Variants in FMN2 observed in about 807,000 individuals in gnomAD.
FMN2 encodes the protein formin 2, also known as formin-2.
FMN2 carries 51 observed loss-of-function variants against 142.3 expected under a neutral mutation model. That is an observed-to-expected ratio of 0.36 (90% CI 0.29 to 0.45). The LOEUF (loss-of-function observed/expected upper bound fraction) is 0.45. FMN2 is among the 20% of genes least tolerant of loss of function. The probability of loss-of-function intolerance (pLI) is 1.00; values close to 1 mark genes in which losing one functional copy is unlikely to be tolerated. For missense variants in FMN2, 1,936 were observed against 2,122.8 expected (o/e 0.91, Z 1.73); for synonymous variants, 882 against 869.8 (o/e 1.01, Z -0.25).
chr1:240,260,687 C>A (rs576188558), intron 7 of FMN2, among the ~76,000 whole-genome samples: 5 of 152,312 alleles, frequency 3.3e-5, no homozygotes, highest in African/African-American at 1.2e-4. Context: ...TGAAGACTTT[C>A]TCCCACTCTG....
chr1:240,258,117 C>G, intron 7 of FMN2, 85 bp downstream of exon 7: 1 of 1,047,266 alleles, frequency 9.5e-7, no homozygotes, highest in Non-Finnish European at 1.4e-6. Context: ...TTATTTCAAA[C>G]TTAGAGTTTC....
At chr1:240,294,684 A>T in intron 7 of FMN2, 138 bp from the exon 8 acceptor site, 1 of 698,606 alleles carries the variant, frequency 1.4e-6, no homozygotes, top group Non-Finnish European at 2.5e-6. Context: ...CAGGCTTTGC[A>T]GTGGGGGCAA....
intron 8 of FMN2, among the ~76,000 whole-genome samples, chr1:240,300,058 A>G (rs1670144573): frequency 6.6e-6 from 1 of 152,198 alleles, no homozygotes; most frequent in Non-Finnish European, 1.5e-5. Flanking sequence ...TTTCATCTCC[A>G]TGTGACATGA....
intron 15 of FMN2, among the ~76,000 whole-genome samples, chr1:240,406,022 G>A (rs1478201078): frequency 6.7e-6 from 1 of 150,244 alleles, no homozygotes; most frequent in Non-Finnish European, 1.5e-5. Context: ...TGGGGGAAGC[G>A]AAGGGAAGCA....
chr1:240,235,274 A>G (rs934941984), intron 6 of FMN2, among the ~76,000 whole-genome samples: 7 of 152,180 alleles, frequency 4.6e-5, no homozygotes, highest in African/African-American at 1.7e-4. Context: ...TCATCTTTGC[A>G]CGATTAAATA....
chr1:240,419,089 CAA>C (rs1424296758), intron 15 of FMN2, among the ~76,000 whole-genome samples: 1 of 152,150 alleles, frequency 6.6e-6, no homozygotes. Context: ...GCCTGGGCAA[CAA>C]GAGCAAAACT....
chr1:240,337,342 G>A (rs1233760374), intron 13 of FMN2, among the ~76,000 whole-genome samples: 1 of 151,264 alleles, frequency 6.6e-6, no homozygotes, highest in African/African-American at 2.4e-5. Context: ...TCAGCCTCCT[G>A]AGTAGCTGGG....
At chr1:240,145,285 G>A in intron 2 of FMN2, 3 of 1,419,780 alleles carry the variant, frequency 2.1e-6, no homozygotes, top group African/African-American at 1.4e-5. Flanking sequence ...GCCGCTCCTT[G>A]CCGCTTGGCT....
intron 16 of FMN2, among the ~76,000 whole-genome samples, chr1:240,468,652 C>G (rs1285037896): frequency 6.6e-6 from 1 of 152,166 alleles, no homozygotes; most frequent in Non-Finnish European, 1.5e-5. Flanking sequence ...CCTTTCAAGT[C>G]TGGTTGTGAC....
rs148303821 is a variant in FMN2 at position 240,277,736 on chromosome 1, T to C, written c.4154-17086T>C. On this transcript the variant is annotated intron_variant, in intron 7 of 17. Transcript: ENST00000319653. Reference sequence around the variant, plus strand: ...TTTTAGTAGAGACGAGGTTTCACCATGTTGGCCAGCCTGGTTTTGAACTCC... The same window carrying C: ...TTTTAGTAGAGACGAGGTTTCACCACGTTGGCCAGCCTGGTTTTGAACTCC... Among the ~76,000 whole-genome samples, 831 of 152,018 alleles carry C rather than the reference T, an allele frequency of 5.5e-3. 10 individuals are homozygous for C. The highest frequency in any genetic ancestry group is 0.019 in the African/African-American group (797 of 41,450).
intron 15 of FMN2, among the ~76,000 whole-genome samples, chr1:240,419,928 C>G (rs907744102): frequency 6.6e-6 from 1 of 152,074 alleles, no homozygotes; most frequent in Non-Finnish European, 1.5e-5. Flanking sequence ...GTCATTTGCC[C>G]CTAAGGATGC....
rs567241560 is a variant in FMN2 at position 240,106,572 on chromosome 1, C to T, written c.1615+12848C>T. ...CCAGAAATTTGGAAGTGCAAGTTAG[C>T]CAAGCTATGCCACTCTTCCTCCTCC... is the stretch of plus-strand genomic sequence containing the variant. On this transcript the variant is annotated intron_variant, in intron 1 of 17. Transcript: ENST00000319653. Among the ~76,000 whole-genome samples, 10 of 152,256 alleles carry T rather than the reference C, an allele frequency of 6.6e-5. No individual in the cohort carries two copies. The South Asian group carries it at 1.7e-3, about 25-fold the overall frequency.
In FMN2 at chr1:240,458,720, T is replaced by C. The variant is rs1459791340; in HGVS notation, c.5061-13652T>C. On this transcript the variant is annotated intron_variant, in intron 16 of 17. Transcript: ENST00000319653. ...TGTAATAAACAGCACTATTCTCTGA[T>C]AATAAAAGATGAATCTGGCTGTCAG... 8 of 152,238 alleles carry C rather than the reference T, an allele frequency of 5.3e-5. No homozygotes were observed. In the South Asian group the frequency reaches 1.4e-3, roughly 28 times the overall value. The allele number at this position is 152,238 out of a possible 1,614,324, so 9.4% of individuals were successfully genotyped here. A position where few individuals can be genotyped will look rare whatever the true frequency, so the allele number is the denominator to read the frequency against.
chr1:240,429,284 G>C (rs1675057797), intron 15 of FMN2, among the ~76,000 whole-genome samples: 1 of 152,076 alleles, frequency 6.6e-6, no homozygotes, highest in Non-Finnish European at 1.5e-5. Context: ...TGGCATGTTT[G>C]TTTGATAGAC....
intron 13 of FMN2, among the ~76,000 whole-genome samples, chr1:240,336,532 A>G (rs1671560533): frequency 6.8e-6 from 1 of 146,338 alleles, no homozygotes; most frequent in East Asian, 2.1e-4. Context: ...GTTAAAGTTA[A>G]AAGGACTTCA....
At chr1:240,275,544 A>G (rs186061658) in intron 7 of FMN2, among the ~76,000 whole-genome samples, 78 of 152,254 alleles carry the variant, frequency 5.1e-4, no homozygotes, top group Middle Eastern at 3.4e-3. Flanking sequence ...CAGTGCTGCA[A>G]TAAACATACC....
chr1:240,435,306 A>G (rs1054246791), intron 15 of FMN2, among the ~76,000 whole-genome samples: 20 of 152,046 alleles, frequency 1.3e-4, no homozygotes, highest in African/African-American at 4.1e-4. Flanking sequence ...TGTGCTTTAT[A>G]TAACAGAGCC....
At chr1:240,160,032 C>T (rs1267442398) in intron 2 of FMN2, among the ~76,000 whole-genome samples, 1 of 134,642 alleles carries the variant, frequency 7.4e-6, no homozygotes, top group Non-Finnish European at 1.6e-5. Flanking sequence ...TCAGTTTGTT[C>T]CTCATCTTAG....
chr1:240,388,227 CAAAAAAAAAAAAAAA>C (rs761610582), intron 14 of FMN2, among the ~76,000 whole-genome samples: 1 of 6,054 alleles, frequency 1.7e-4, no homozygotes, highest in Admixed American at 3.2e-3. Flanking sequence ...GTGCTCAAAG[CAAAAAAAAAAAAAAA>C]AAAAAAAAAA....
Sources: allele counts gnomAD v4.1 joint callset (sites outside exome capture counted in the v4.1 genomes callset), GRCh38; gene constraint gnomAD v4.1.1; transcripts MANE v1.5; gene names NCBI Gene and HGNC (gene_info 2026-07-23, HGNC 2026-07-21).